The following LRRC75A variants were observed in gnomAD, a reference collection of about 807,000 sequenced individuals.
LRRC75A encodes leucine rich repeat containing 75A.
A neutral mutation model predicts 26.0 loss-of-function variants in LRRC75A; 12 were observed. That is an observed-to-expected ratio of 0.46 (90% CI 0.30 to 0.75). The LOEUF (loss-of-function observed/expected upper bound fraction) is 0.75. LRRC75A is among the 30% of genes least tolerant of loss of function. The pLI, the probability that LRRC75A is intolerant of heterozygous loss-of-function variation, is 0.08. For missense variants in LRRC75A, 410 were observed against 486.6 expected, an observed-to-expected ratio of 0.84 and a Z score of 1.48; for synonymous variants, 223 against 219.3, an observed-to-expected ratio of 1.02 and a Z score of -0.15.
intron 1 of LRRC75A, among the ~76,000 whole-genome samples, chr17:16,467,187 T>C (rs1288542634): frequency 6.6e-6 from 1 of 152,232 alleles, no homozygotes; most frequent in African/African-American, 2.4e-5. Flanking sequence ...AAGGTCTTGC[T>C]CTGTCACCCA....
chr17:16,450,919 G>T (rs1380479811), intron 2 of LRRC75A, among the ~76,000 whole-genome samples: 1 of 152,186 alleles, frequency 6.6e-6, no homozygotes, highest in East Asian at 1.9e-4. Context: ...TGGGACATGA[G>T]TAGAAGGCAA....
chr17:16,445,825 C>T (rs1445035492), intron 3 of LRRC75A, among the ~76,000 whole-genome samples: 1 of 152,234 alleles, frequency 6.6e-6, no homozygotes, highest in Non-Finnish European at 1.5e-5. Flanking sequence ...ACAGCCTGAG[C>T]TGGGTTTGAA....
intron 2 of LRRC75A, 30 bp from the exon 3 acceptor site, chr17:16,447,990 C>A: frequency 6.5e-7 from 1 of 1,533,310 alleles, no homozygotes; most frequent in Non-Finnish European, 8.8e-7. Flanking sequence ...TGGTAGGGCC[C>A]TGAGTGGCTG....
chr17:16,447,420 T>C lies in LRRC75A; in HGVS notation c.491+425A>G, dbSNP rs558389236. 2.7e-4 allele frequency among the ~76,000 whole-genome samples: 41 copies of C among 152,240 alleles called. No individual in the cohort carries two copies. The East Asian group carries it at 7.0e-3, about 26-fold the overall frequency. ...CCCTAGTTCAAGTGATTCTCCTGCC[T>C]CAGCCTCCTGAGAAACTAGGATTAC... On this transcript the variant is annotated intron_variant, in intron 3 of 3. Transcript: ENST00000470794.
chr17:16,454,936 T>C (rs915079007), intron 2 of LRRC75A, among the ~76,000 whole-genome samples: 2 of 151,546 alleles, frequency 1.3e-5, no homozygotes, highest in South Asian at 4.2e-4. Context: ...TCTTTTCTTT[T>C]TTTTTTTTAG....
intron 2 of LRRC75A, among the ~76,000 whole-genome samples, chr17:16,459,854 C>T (rs766152926): frequency 5.9e-5 from 9 of 152,162 alleles, no homozygotes; most frequent in Non-Finnish European, 1.3e-4. Context: ...CACATGGGCA[C>T]GAAAGGGGCC....
rs34742354 is a variant in LRRC75A, at chr17:16,442,339, T to A, written c.*1249A>T. On this transcript the variant is annotated 3_prime_UTR_variant, in exon 4 of 4. Coordinates refer to ENST00000470794, the MANE Select transcript of LRRC75A (RefSeq NM_001113567.3). ...ATCTTGCTGTCTTCCTGTGTTGGAA[T>A]CTTGCCTACCAAGGCCTGTCAAGAG... 1,322 of 152,452 alleles carry A rather than the reference T, an allele frequency of 8.7e-3. 3 individuals carry two copies. Among genetic ancestry groups the A allele is most frequent in the Non-Finnish European group, 0.016 (1,075 of 68,104 alleles). 9.4% of individuals were successfully genotyped at this position (152,452 alleles called of 1,614,324 possible).
At chr17:16,480,629 C>CA (rs749950024) in intron 1 of LRRC75A, among the ~76,000 whole-genome samples, 14,159 of 79,788 alleles carry the variant, frequency 0.18, 1,266 homozygotes, top group Middle Eastern at 0.24. Flanking sequence ...GACTTCGTCT[C>CA]AAAAAAAAAA....
rs781459751 is a variant in LRRC75A at position 16,444,005 on chromosome 17, G to T, written c.618C>A (p.Ser206Arg). The T allele has an allele frequency of 6.2e-7, 1 of 1,613,748 alleles. No individual in the cohort carries two copies. The highest frequency in any genetic ancestry group is 8.5e-7 in the Non-Finnish European group (1 of 1,180,020). The change falls in exon 4 of 4, where the codon AGC becomes AGA. Residue 206 changes from serine (S) to arginine (R), a missense_variant. Ser to Arg is a moderately radical substitution (Grantham distance 110). Coordinates refer to ENST00000470794, the MANE Select transcript of LRRC75A (RefSeq NM_001113567.3). Reference protein sequence around the residue: ...YLQRCGEQVDSVELGFTGLTD... With the variant: ...YLQRCGEQVDRVELGFTGLTD... Reference sequence around the variant, plus strand: ...TGAGGCCTGTGAAGCCCAGCTCCACGCTGTCTACCTGCTCCCCACAGCGCT... The same window carrying T: ...TGAGGCCTGTGAAGCCCAGCTCCACTCTGTCTACCTGCTCCCCACAGCGCT...
chr17:16,447,131 C>T (rs2093592899), intron 3 of LRRC75A: 1 of 224,834 alleles, frequency 4.4e-6, no homozygotes, highest in Non-Finnish European at 9.4e-6. Flanking sequence ...GTGCTTCCTT[C>T]TCCAGGAAGC....
At chr17:16,461,833 T>G (rs1328800110) in intron 2 of LRRC75A, among the ~76,000 whole-genome samples, 1 of 152,098 alleles carries the variant, frequency 6.6e-6, no homozygotes, top group Non-Finnish European at 1.5e-5. Context: ...GATTTGAACT[T>G]TCCCCTGCCT....
chr17:16,473,496 G>A (rs770926785), intron 1 of LRRC75A, among the ~76,000 whole-genome samples: 5 of 152,238 alleles, frequency 3.3e-5, no homozygotes, highest in East Asian at 3.9e-4. Context: ...CTTGGTGCCC[G>A]CCACCCCCAC....
chr17:16,481,153 C>T (rs1055257761), intron 1 of LRRC75A, among the ~76,000 whole-genome samples: 2 of 152,206 alleles, frequency 1.3e-5, no homozygotes, highest in African/African-American at 4.8e-5. Flanking sequence ...AGAGCCTCAG[C>T]GCTGCCTGTC....
chr17:16,444,026 G>T lies in LRRC75A; in HGVS notation c.597C>A (p.Arg199=), dbSNP rs1203792271. The change falls in exon 4 of 4, where the codon CGC becomes CGA. Residue 199 remains arginine, a synonymous_variant. Coordinates refer to ENST00000470794, the MANE Select transcript of LRRC75A (RefSeq NM_001113567.3). ...CCACGCTGTCTACCTGCTCCCCACA[G>T]CGCTGTAGGTAGCTGGTCACCCGCT... is the stretch of plus-strand genomic sequence containing the variant. ...DLERVTSYLQ[R]CGEQVDSVEL... The T allele has an allele frequency of 6.2e-7, 1 of 1,613,852 alleles. No homozygotes were observed. The highest frequency in any genetic ancestry group is 2.2e-5 in the East Asian group (1 of 44,880).
At chr17:16,463,613 G>A (rs1316889897) in intron 1 of LRRC75A, 1 of 152,286 alleles carries the variant, frequency 6.6e-6, no homozygotes, top group African/African-American at 2.4e-5. Flanking sequence ...GTGCCCTGGG[G>A]ACGGGACGTC....
intron 2 of LRRC75A, among the ~76,000 whole-genome samples, chr17:16,449,586 A>G (rs1283297467): frequency 6.6e-6 from 1 of 152,192 alleles, no homozygotes; most frequent in African/African-American, 2.4e-5. Flanking sequence ...ACTTCTGCCC[A>G]GGCTCAGATT....
In LRRC75A at chr17:16,443,575, C is replaced by T. The variant is rs1401305872; in HGVS notation, c.*13G>A. ...CCAACAAGGACTCCCTGGTGAGGCCCTTCACTTCCATGTCACGTCTGAGCT... is the reference window on the plus strand; with the variant it reads ...CCAACAAGGACTCCCTGGTGAGGCCTTTCACTTCCATGTCACGTCTGAGCT... On this transcript the variant is annotated 3_prime_UTR_variant, in exon 4 of 4. Coordinates refer to ENST00000470794, the MANE Select transcript of LRRC75A (RefSeq NM_001113567.3). The T allele has an allele frequency of 6.0e-6, 9 of 1,503,402 alleles. No homozygotes were observed. The highest frequency in any genetic ancestry group is 8.1e-6 in the Non-Finnish European group (9 of 1,117,492). The allele number at this position is 1,503,402 out of a possible 1,614,324, so 93.1% of individuals were successfully genotyped here.
intron 2 of LRRC75A, among the ~76,000 whole-genome samples, chr17:16,448,900 T>C (rs1013477440): frequency 6.6e-6 from 1 of 152,220 alleles, no homozygotes; most frequent in African/African-American, 2.4e-5. Flanking sequence ...CAGTCTGTGA[T>C]TTTTTGTTAT....
At chr17:16,458,125 T>C (rs35455145) in intron 2 of LRRC75A, among the ~76,000 whole-genome samples, 60,889 of 151,912 alleles carry the variant, frequency 0.4, 12,542 homozygotes, top group African/African-American at 0.46. Flanking sequence ...GCCAACATGG[T>C]GAAACCCCGT....
Sources: allele counts gnomAD v4.1 joint callset (sites outside exome capture counted in the v4.1 genomes callset), GRCh38; gene constraint gnomAD v4.1.1; transcripts MANE v1.5; gene names NCBI Gene and HGNC (gene_info 2026-07-23, HGNC 2026-07-21).